Variants in ORC1 observed in about 807,000 individuals in gnomAD.
ORC1 encodes origin recognition complex subunit 1, also known as origin recognition complex, subunit 1 homolog.
A neutral mutation model predicts 98.9 loss-of-function variants in ORC1; 61 were observed. The observed-to-expected ratio is 0.62, with a 90% confidence interval of 0.50 to 0.76. The LOEUF (loss-of-function observed/expected upper bound fraction) is 0.76, where lower values mean the gene tolerates loss of function less well. ORC1 is among the 30% of genes least tolerant of loss of function. The probability of loss-of-function intolerance (pLI) is 0.00; values close to 1 mark genes in which losing one functional copy is unlikely to be tolerated. For synonymous variants in ORC1, 385 were observed against 406.9 expected, an observed-to-expected ratio of 0.95 and a Z score of 0.65; for missense variants, 979 against 1,072.2, an observed-to-expected ratio of 0.91 and a Z score of 1.21.
At chr1:52,402,423 T>G (rs1445509356) in intron 1 of ORC1, among the ~76,000 whole-genome samples, 195 bp from the exon 2 acceptor site, 2 of 152,244 alleles carry the variant, frequency 1.3e-5, no homozygotes, top group Non-Finnish European at 2.9e-5. Context: ...ACAGGCAATT[T>G]AGTATCATCT....
At chr1:52,383,668 C>T in intron 12 of ORC1, 99 bp from the exon 13 acceptor site, 1 of 1,412,454 alleles carries the variant, frequency 7.1e-7, no homozygotes, top group Middle Eastern at 2.0e-4. Flanking sequence ...GCATGTTTCC[C>T]AAGTCATAGC....
intron 1 of ORC1, among the ~76,000 whole-genome samples, chr1:52,403,441 T>C (rs947762096): frequency 6.6e-6 from 1 of 152,192 alleles, no homozygotes; most frequent in African/African-American, 2.4e-5. Flanking sequence ...AGTCCACATA[T>C]TGCCCTCCAT....
chr1:52,404,720 C>T (rs1411039812), upstream of ORC1: 1 of 1,606,494 alleles, frequency 6.2e-7, no homozygotes, highest in East Asian at 2.2e-5. Flanking sequence ...TTAAAGGATC[C>T]GACGGAAATA....
chr1:52,407,678 T>C (rs1354883817), upstream of ORC1, among the ~76,000 whole-genome samples: 1 of 152,232 alleles, frequency 6.6e-6, no homozygotes, highest in Non-Finnish European at 1.5e-5. Context: ...CCCAGCACTT[T>C]GGGAGGCCAA....
At chr1:52,382,002 G>A (rs763667202) in intron 13 of ORC1, among the ~76,000 whole-genome samples, 54 of 151,704 alleles carry the variant, frequency 3.6e-4, no homozygotes, top group Non-Finnish European at 5.9e-4. Flanking sequence ...TCTTTGAGAC[G>A]GAGTCTTGCT....
intron 2 of ORC1, 119 bp downstream of exon 2, chr1:52,402,010 G>T: frequency 1.2e-6 from 1 of 813,440 alleles, no homozygotes; most frequent in East Asian, 2.6e-5. Flanking sequence ...CTTACAATCA[G>T]TTCTAATCTC....
At chr1:52,407,988 G>A (rs780401694), upstream of ORC1, among the ~76,000 whole-genome samples, 9 of 152,248 alleles carry the variant, frequency 5.9e-5, no homozygotes, top group Non-Finnish European at 1.0e-4. Context: ...CCCAGGAGGT[G>A]GAGGCTGCAG....
At chr1:52,398,577 C>CTTTTA (rs921463350) in intron 3 of ORC1, among the ~76,000 whole-genome samples, 1 of 144,546 alleles carries the variant, frequency 6.9e-6, no homozygotes, top group African/African-American at 2.6e-5. Context: ...CATGTGTTAT[C>CTTTTA]TTTTATTTTA....
At chr1:52,400,971 C>T (rs945189904) in intron 3 of ORC1, among the ~76,000 whole-genome samples, 4 of 152,180 alleles carry the variant, frequency 2.6e-5, no homozygotes, top group Non-Finnish European at 5.9e-5. Context: ...TCACTTGTAA[C>T]GAAGTAGCAC....
intron 14 of ORC1, among the ~76,000 whole-genome samples, chr1:52,381,344 T>C (rs1352652407): frequency 6.6e-6 from 1 of 152,216 alleles, no homozygotes; most frequent in Non-Finnish European, 1.5e-5. Flanking sequence ...CTACTAAGCG[T>C]TAAAGCCAGA....
chr1:52,384,141 T>C (rs1335651999), intron 11 of ORC1, among the ~76,000 whole-genome samples: 1 of 152,196 alleles, frequency 6.6e-6, no homozygotes, highest in African/African-American at 2.4e-5. Context: ...GAGTTTGAAA[T>C]GCAAATGAGT....
intron 12 of ORC1, 56 bp downstream of exon 12, chr1:52,383,773 CA>C: frequency 6.8e-7 from 1 of 1,463,360 alleles, no homozygotes; most frequent in Non-Finnish European, 9.6e-7. Context: ...TCCCATCCAG[CA>C]CTTGCTCCTG....
chr1:52,390,417 C>T (rs1419577248), intron 6 of ORC1, among the ~76,000 whole-genome samples: 3 of 152,120 alleles, frequency 2.0e-5, no homozygotes, highest in African/African-American at 7.2e-5. Context: ...GACTGATGTT[C>T]GACAAAGCAA....
chr1:52,398,867 G>A (rs12092670), intron 3 of ORC1, among the ~76,000 whole-genome samples: 1,794 of 152,334 alleles, frequency 0.012, 29 homozygotes, highest in African/African-American at 0.04. Flanking sequence ...TTACAGGCAT[G>A]AGCCACCACA....
In ORC1 at chr1:52,393,462, G is replaced by A; in HGVS notation, c.1063C>T (p.Pro355Ser). 6.2e-7 allele frequency: 1 copy of A among 1,614,100 alleles called. No individual in the cohort carries two copies. Among genetic ancestry groups the A allele is most frequent in the Non-Finnish European group, 8.5e-7 (1 of 1,180,014 alleles). Residue 355 changes from proline (P) to serine (S), a missense_variant, in exon 6 of 17, where the codon CCA becomes TCA. Pro to Ser is a moderately conservative substitution (Grantham distance 74, BLOSUM62 -1). Transcript: ENST00000371568. ...SSVVPSVILKPENIKKRDAKE... is the reference protein window; with the variant it reads ...SSVVPSVILKSENIKKRDAKE... ...GGTCACCTCTTTTTGATGTTTTCTG[G>A]TTTCAGAATCACGGATGGCACCACT...
chr1:52,376,174 C>T (rs901872362), intron 14 of ORC1, among the ~76,000 whole-genome samples: 1 of 152,136 alleles, frequency 6.6e-6, no homozygotes, highest in Non-Finnish European at 1.5e-5. Context: ...GAGTTTGAGA[C>T]CAGCCTGGCC....
chr1:52,381,547 C>G (rs912929114), intron 14 of ORC1, 95 bp downstream of exon 14: 7 of 1,310,874 alleles, frequency 5.3e-6, no homozygotes, highest in Non-Finnish European at 7.5e-6. Context: ...TTCTAAATTT[C>G]TCTCCAACCT....
chr1:52,381,097 CG>C (rs1647063867), intron 14 of ORC1, among the ~76,000 whole-genome samples: 1 of 152,122 alleles, frequency 6.6e-6, no homozygotes. Flanking sequence ...CCTCAGCAGC[CG>C]GGGAGACTAG....
Position 52,382,181 on chromosome 1 carries a change from G to A in ORC1, c.2014-420C>T, listed in dbSNP as rs565897353. Among the ~76,000 whole-genome samples the A allele has an allele frequency of 1.7e-3, 255 of 152,116 alleles. 4 individuals carry two copies. Among genetic ancestry groups the A allele is most frequent in the African/African-American group, 1.2e-3 (50 of 41,494 alleles). ...TTTTTAGTAGGGACAGAGTTTCACC[G>A]TGTTAGCCAGGATGGTCTCGATCTC... is the stretch of plus-strand genomic sequence containing the variant. On this transcript the variant is annotated intron_variant, in intron 13 of 16. Transcript: ENST00000371568.
Sources: gnomAD v4.1 joint callset for allele counts (sites outside exome capture counted in the v4.1 genomes callset) on GRCh38, gnomAD v4.1.1 for gene constraint, MANE v1.5 for transcripts, NCBI Gene and HGNC (gene_info 2026-07-23, HGNC 2026-07-21) for gene names.